The following TMEM177 variants were observed in gnomAD, a reference collection of about 807,000 sequenced individuals.
TMEM177 encodes transmembrane protein 177.
Under a neutral mutation model 14.2 loss-of-function variants are expected in TMEM177, and 4 were observed. The observed-to-expected ratio is 0.28, with a 90% CI of 0.14 to 0.64. The LOEUF is 0.64. TMEM177 is among the 30% of genes least tolerant of loss of function. TMEM177 has a pLI of 0.82. For missense variants in TMEM177, 344 were observed against 405.2 expected (o/e 0.85, Z 1.30); for synonymous variants, 179 against 174.5 (o/e 1.03, Z -0.20).
chr2:119,716,745 T>G, the TMEM177 span, among the ~76,000 whole-genome samples: 1 of 152,198 alleles, frequency 6.6e-6, no homozygotes, highest in Non-Finnish European at 1.5e-5. Context: ...AATGCAATTA[T>G]TTGGGGGTCT....
chr2:119,691,866 C>T, the TMEM177 span, among the ~76,000 whole-genome samples: 497 of 152,372 alleles, frequency 3.3e-3, 1 homozygote, highest in Non-Finnish European at 5.4e-3. Flanking sequence ...GCTGTGGCAG[C>T]AGCTGGAGGC....
the TMEM177 span, among the ~76,000 whole-genome samples, chr2:119,693,929 A>G: frequency 6.6e-6 from 1 of 152,134 alleles, no homozygotes; most frequent in Non-Finnish European, 1.5e-5. Flanking sequence ...CACATGCCAC[A>G]CACATCACAC....
chr2:119,699,347 AGCACG>A, the TMEM177 span, among the ~76,000 whole-genome samples: 8 of 152,222 alleles, frequency 5.3e-5, no homozygotes, highest in Non-Finnish European at 4.4e-5. Flanking sequence ...CACTATCACA[AGCACG>A]GCACGGGGGA....
the TMEM177 span, among the ~76,000 whole-genome samples, chr2:119,708,056 G>T: frequency 1.3e-5 from 2 of 152,134 alleles, no homozygotes; most frequent in African/African-American, 4.8e-5. Flanking sequence ...TCCTGGCCTT[G>T]CCCCCCAGCC....
chr2:119,692,928 C>T, the TMEM177 span, among the ~76,000 whole-genome samples: 665 of 133,010 alleles, frequency 5.0e-3, 12 homozygotes, highest in East Asian at 0.059. Context: ...GCCGAGATCA[C>T]GCCACTGCAC....
At chr2:119,690,720 CAG>C (rs771318552), downstream of TMEM177, among the ~76,000 whole-genome samples, 1 of 152,206 alleles carries the variant, frequency 6.6e-6, no homozygotes, top group East Asian at 1.9e-4. Flanking sequence ...TGAGACCTGC[CAG>C]AGTCTTAACC....
chr2:119,710,755 GCC>G, the TMEM177 span, among the ~76,000 whole-genome samples: 5 of 151,790 alleles, frequency 3.3e-5, no homozygotes, highest in African/African-American at 1.2e-4. Context: ...GACTACAGGC[GCC>G]CCCACCACCC....
At chr2:119,688,726 C>A (rs965737075), downstream of TMEM177, among the ~76,000 whole-genome samples, 5 of 152,214 alleles carry the variant, frequency 3.3e-5, no homozygotes, top group African/African-American at 1.2e-4. Flanking sequence ...CCTCTCCCTG[C>A]ATCAAGGTGA....
the TMEM177 span, among the ~76,000 whole-genome samples, chr2:119,698,216 C>A: frequency 1.3e-5 from 2 of 152,158 alleles, no homozygotes; most frequent in African/African-American, 2.4e-5. Context: ...CTTTTCTCTT[C>A]TCCCGTGGTT....
downstream of TMEM177, among the ~76,000 whole-genome samples, chr2:119,690,807 G>A (rs1458780780): frequency 2.0e-5 from 3 of 152,206 alleles, no homozygotes; most frequent in South Asian, 2.1e-4. Flanking sequence ...TTACCCATCC[G>A]CATCAGGTGG....
chr2:119,699,947 A>G, the TMEM177 span: 3 of 425,662 alleles, frequency 7.0e-6, no homozygotes, highest in East Asian at 2.0e-4. Flanking sequence ...TTGGTCATTG[A>G]GCACATCCAG....
At chr2:119,719,421 C>T in the TMEM177 span, among the ~76,000 whole-genome samples, 2 of 152,310 alleles carry the variant, frequency 1.3e-5, no homozygotes, top group Middle Eastern at 3.4e-3. Flanking sequence ...AAAGCCACAT[C>T]CTCCCCAGGC....
At chr2:119,691,636 C>T in the TMEM177 span, among the ~76,000 whole-genome samples, 1 of 152,212 alleles carries the variant, frequency 6.6e-6, no homozygotes, top group Non-Finnish European at 1.5e-5. Context: ...GACCATGTCG[C>T]TGTTCAGGAA....
At chr2:119,682,343 G>A (rs1045270696), downstream of TMEM177, among the ~76,000 whole-genome samples, 1 of 152,094 alleles carries the variant, frequency 6.6e-6, no homozygotes, top group African/African-American at 2.4e-5. Flanking sequence ...CTCAACACCA[G>A]GGTACTAGCA....
At chr2:119,685,330 T>C (rs907154742), downstream of TMEM177, among the ~76,000 whole-genome samples, 1 of 150,584 alleles carries the variant, frequency 6.6e-6, no homozygotes, top group Non-Finnish European at 1.5e-5. Context: ...CTGGCTCTGC[T>C]CTTCACTGAC....
At chr2:119,694,302 A>T in the TMEM177 span, among the ~76,000 whole-genome samples, 2 of 142,334 alleles carry the variant, frequency 1.4e-5, no homozygotes, top group Admixed American at 1.4e-4. Context: ...ACACACACAC[A>T]CTATACCTCC....
chr2:119,714,464 A>T, the TMEM177 span, among the ~76,000 whole-genome samples: 1 of 152,180 alleles, frequency 6.6e-6, no homozygotes, highest in East Asian at 1.9e-4. Flanking sequence ...TTTCCGAGAC[A>T]TGAGCTCATG....
downstream of TMEM177, among the ~76,000 whole-genome samples, chr2:119,687,759 C>T (rs1049519920): frequency 1.3e-5 from 2 of 152,172 alleles, no homozygotes; most frequent in Non-Finnish European, 2.9e-5. Flanking sequence ...AGAGAAGCAG[C>T]TAACCTGTGC....
At chr2:119,704,249 T>C in the TMEM177 span, among the ~76,000 whole-genome samples, 2 of 152,196 alleles carry the variant, frequency 1.3e-5, no homozygotes, top group African/African-American at 2.4e-5. Flanking sequence ...ATTTAGAAGC[T>C]GCCATAAGTT....
Sources: allele counts gnomAD v4.1 joint callset (sites outside exome capture counted in the v4.1 genomes callset), GRCh38; gene constraint gnomAD v4.1.1; transcripts MANE v1.5; gene names NCBI Gene and HGNC (gene_info 2026-07-23, HGNC 2026-07-21).